The following SPIRE1 variants were observed in gnomAD, a reference collection of about 807,000 sequenced individuals.
SPIRE1 encodes spire type actin nucleation factor 1.
Under a neutral mutation model 94.1 loss-of-function variants are expected in SPIRE1, and 40 were observed. The ratio of observed to expected loss-of-function variants is 0.43; its 90% CI spans 0.33 to 0.55. The LOEUF is 0.55. Among genes scored for constraint, SPIRE1 ranks in the 20% least tolerant of loss-of-function variants. The pLI is 0.06. For synonymous variants in SPIRE1, 376 were observed against 371.7 expected (o/e 1.01, Z -0.13); for missense variants, 838 against 975.2 (o/e 0.86, Z 1.87).
intron 2 of SPIRE1, among the ~76,000 whole-genome samples, chr18:12,611,776 G>A (rs1330741718): frequency 1.3e-5 from 2 of 151,908 alleles, no homozygotes; most frequent in Non-Finnish European, 2.9e-5. Flanking sequence ...GATCGTTCCT[G>A]CCTCAGCCCC....
chr18:12,457,310 A>G (rs1036146546), intron 12 of SPIRE1, among the ~76,000 whole-genome samples: 1 of 152,212 alleles, frequency 6.6e-6, no homozygotes. Context: ...AAAATGATAA[A>G]TAGTTACTAA....
At chr18:12,562,768 C>T (rs1310173210) in intron 2 of SPIRE1, among the ~76,000 whole-genome samples, 2 of 151,472 alleles carry the variant, frequency 1.3e-5, no homozygotes, top group Non-Finnish European at 2.9e-5. Context: ...CTTCTGCCTC[C>T]CAACGTGCTG....
At chr18:12,484,148 T>G (rs1334338329) in intron 9 of SPIRE1, among the ~76,000 whole-genome samples, 2 of 152,154 alleles carry the variant, frequency 1.3e-5, no homozygotes, top group Non-Finnish European at 2.9e-5. Flanking sequence ...GTGTACCTAA[T>G]TTAGATTAGC....
chr18:12,586,653 T>C (rs886800394), intron 2 of SPIRE1, among the ~76,000 whole-genome samples: 4 of 152,208 alleles, frequency 2.6e-5, no homozygotes, highest in African/African-American at 7.2e-5. Flanking sequence ...ATAGCTTTTT[T>C]ATGGATGTGT....
chr18:12,546,367 T>A (rs2035169184), intron 3 of SPIRE1, among the ~76,000 whole-genome samples: 1 of 152,090 alleles, frequency 6.6e-6, no homozygotes, highest in Admixed American at 6.5e-5. Context: ...ACACAGTGGC[T>A]CATTTCTGTA....
At chr18:12,506,748 T>TAC in intron 5 of SPIRE1, 107 bp from the exon 6 acceptor site, 1 of 1,107,636 alleles carries the variant, frequency 9.0e-7, no homozygotes, top group East Asian at 2.4e-5. Context: ...AAACAATGAG[T>TAC]AAACCAACAA....
At position 12,552,720 on chromosome 18, in the gene SPIRE1, CTCAA is replaced by C. The variant is rs201212786; in HGVS notation, c.373-5820_373-5817del. Among the ~76,000 whole-genome samples, 14 of 152,214 alleles carry C rather than the reference CTCAA, an allele frequency of 9.2e-5. No homozygotes were observed. In the East Asian group the frequency reaches 2.7e-3, roughly 29 times the overall value. On this transcript the variant is annotated intron_variant, in intron 2 of 16. Coordinates refer to ENST00000409402, the MANE Select transcript of SPIRE1 (RefSeq NM_001128626.2). ...CCCCCAGTCACGTACCCCCTGCTTG[CTCAA>C]TCAATCACAACCCTCTCACGTGGAC... is the stretch of plus-strand genomic sequence containing the variant.
chr18:12,509,509 A>G (rs1303695231), intron 5 of SPIRE1, among the ~76,000 whole-genome samples: 1 of 152,256 alleles, frequency 6.6e-6, no homozygotes, highest in East Asian at 1.9e-4. Context: ...AGGAAAATCA[A>G]TAATCAATTT....
At chr18:12,463,529 G>C (rs1205736036) in intron 11 of SPIRE1, 36 bp from the exon 12 acceptor site, 2 of 1,562,026 alleles carry the variant, frequency 1.3e-6, no homozygotes, top group Non-Finnish European at 1.7e-6. Flanking sequence ...AACTTACTGT[G>C]AATTTTCTAA....
chr18:12,517,464 T>G (rs1004284841), intron 4 of SPIRE1, among the ~76,000 whole-genome samples: 1 of 152,250 alleles, frequency 6.6e-6, no homozygotes, highest in East Asian at 1.9e-4. Flanking sequence ...AATGAGTTAT[T>G]TGAAAGTAAA....
chr18:12,452,445 T>C (rs200409524), intron 15 of SPIRE1, 40 bp downstream of exon 15: 121 of 1,614,078 alleles, frequency 7.5e-5, no homozygotes, highest in Middle Eastern at 1.6e-4. Flanking sequence ...AGGCAGTCAC[T>C]AAAAGGAACA....
At chr18:12,517,310 C>G (rs1354403156) in intron 4 of SPIRE1, among the ~76,000 whole-genome samples, 1 of 152,192 alleles carries the variant, frequency 6.6e-6, no homozygotes, top group Admixed American at 6.5e-5. Context: ...AATGATACCT[C>G]TCCTTAGCCT....
rs1286493260 is a variant in SPIRE1, at chr18:12,559,169, C to T, written c.373-12265G>A. On this transcript the variant is annotated intron_variant, in intron 2 of 16. Transcript: ENST00000409402. This position sits in a 1 kb window ranked among gnomAD's most constrained non-coding sequence, Gnocchi z 4.7. ...TGGGGAGGCTCCATCTGCTTAGGAG[C>T]CCACGGGGTGGGGTGGGGTGGGGGG... Among the ~76,000 whole-genome samples, 2 of 39,002 alleles carry T rather than the reference C, an allele frequency of 5.1e-5. No individual in the cohort carries two copies. The highest frequency in any genetic ancestry group is 2.1e-4 in the Admixed American group (1 of 4,706). 25.6% of individuals were successfully genotyped at this position (39,002 alleles called of 152,430 possible).
chr18:12,650,129 T>C (rs1257901917), intron 1 of SPIRE1, among the ~76,000 whole-genome samples: 15 of 151,988 alleles, frequency 9.9e-5, no homozygotes, highest in Admixed American at 9.8e-4. Context: ...ATCCCAGCTA[T>C]TTGGGAGGCT....
intron 2 of SPIRE1, among the ~76,000 whole-genome samples, chr18:12,600,847 C>G (rs147958355): frequency 7.6e-6 from 1 of 132,216 alleles, no homozygotes; most frequent in East Asian, 2.3e-4. Flanking sequence ...AAGTCAGCCT[C>G]CAGAGTACAA....
chr18:12,629,689 G>A (rs1304150064), intron 2 of SPIRE1, among the ~76,000 whole-genome samples: 6 of 152,064 alleles, frequency 3.9e-5, no homozygotes, highest in Admixed American at 3.9e-4. Context: ...TGATTGTAGG[G>A]ATAGTTAACA....
chr18:12,554,793 AAACC>A (rs1243631998), intron 2 of SPIRE1, among the ~76,000 whole-genome samples: 1 of 152,236 alleles, frequency 6.6e-6, no homozygotes, highest in African/African-American at 2.4e-5. Flanking sequence ...TCATGCATTA[AAACC>A]AACCAAGTTG....
At chr18:12,451,693 A>C (rs1157117860) in intron 16 of SPIRE1, among the ~76,000 whole-genome samples, 1 of 152,206 alleles carries the variant, frequency 6.6e-6, no homozygotes, top group African/African-American at 2.4e-5. Context: ...TGCCAGCTTG[A>C]GGCTTGAGCT....
At chr18:12,518,744 A>G (rs544670833) in intron 4 of SPIRE1, among the ~76,000 whole-genome samples, 2 of 152,296 alleles carry the variant, frequency 1.3e-5, no homozygotes, top group Non-Finnish European at 2.9e-5. Flanking sequence ...AATTACTTAC[A>G]TAAAGAGTAT....
Sources: gnomAD v4.1 joint callset for allele counts (sites outside exome capture counted in the v4.1 genomes callset) on GRCh38, gnomAD v4.1.1 for gene constraint, Gnocchi (gnomAD v3.1) non-coding constraint, MANE v1.5 for transcripts, NCBI Gene and HGNC (gene_info 2026-07-23, HGNC 2026-07-21) for gene names.